Variants in SLC8A1 observed in about 807,000 individuals in gnomAD.
SLC8A1 encodes solute carrier family 8 member A1.
A neutral mutation model predicts 68.3 loss-of-function variants in SLC8A1; 18 were observed. The observed-to-expected ratio is 0.26, with a 90% CI of 0.18 to 0.39. The LOEUF is 0.39. SLC8A1 is among the 10% of genes least tolerant of loss of function. The pLI is 1.00. For missense variants in SLC8A1, 985 were observed against 1,156.7 expected (o/e 0.85, Z 2.15); for synonymous variants, 475 against 415.5 (o/e 1.14, Z -1.74).
At chr2:40,143,384 T>G (rs558366174) in intron 6 of SLC8A1, among the ~76,000 whole-genome samples, 1 of 152,286 alleles carries the variant, frequency 6.6e-6, no homozygotes, top group African/African-American at 2.4e-5. Flanking sequence ...GTTCTGTATG[T>G]TCACCAGCCT....
intron 2 of SLC8A1, among the ~76,000 whole-genome samples, chr2:40,293,736 T>A (rs2149241875): frequency 1.3e-5 from 2 of 152,248 alleles, no homozygotes; most frequent in Admixed American, 1.3e-4. Flanking sequence ...TTAGGTGCAA[T>A]TTGCTAGTGA....
intron 7 of SLC8A1, among the ~76,000 whole-genome samples, chr2:40,117,915 T>C (rs1235071241): frequency 1.3e-5 from 2 of 152,180 alleles, no homozygotes; most frequent in African/African-American, 4.8e-5. Context: ...TTTAGGCTAC[T>C]AAAAGGCTAC....
Position 40,122,776 on chromosome 2 carries a change from G to A in SLC8A1, c.2438-7147C>T, listed in dbSNP as rs78429333. 1.1e-4 allele frequency among the ~76,000 whole-genome samples: 16 copies of A among 152,270 alleles called. No homozygotes were observed. In the East Asian group the frequency reaches 3.1e-3, roughly 29 times the overall value. The stretch of plus-strand genomic sequence containing the variant: ...TGAGGTAATGATGTATGGAATGAGT[G>A]ACACATAGATTTGTTTTTAGAGTAA... On this transcript the variant is annotated intron_variant, in intron 7 of 7. Coordinates refer to ENST00000406785, the Ensembl canonical transcript of SLC8A1.
intron 2 of SLC8A1, among the ~76,000 whole-genome samples, chr2:40,306,620 G>C (rs1475980701): frequency 1.3e-5 from 2 of 152,210 alleles, no homozygotes; most frequent in Non-Finnish European, 2.9e-5. Context: ...CCAAAGGAAA[G>C]TGTGACACTT....
intron 2 of SLC8A1, among the ~76,000 whole-genome samples, chr2:40,362,900 A>T (rs980577148): frequency 8.5e-5 from 13 of 152,126 alleles, no homozygotes; most frequent in African/African-American, 3.1e-4. Flanking sequence ...TAGAACTCAA[A>T]GAAATTTTTT....
At chr2:40,505,025 T>G (rs890727755) in intron 1 of SLC8A1, among the ~76,000 whole-genome samples, 1 of 152,012 alleles carries the variant, frequency 6.6e-6, no homozygotes, top group Non-Finnish European at 1.5e-5. Context: ...GTTGCAGCAC[T>G]GCTTATAATA....
At chr2:40,224,373 T>C (rs1490361771) in intron 2 of SLC8A1, among the ~76,000 whole-genome samples, 4 of 152,110 alleles carry the variant, frequency 2.6e-5, no homozygotes, top group Non-Finnish European at 5.9e-5. Context: ...AAAGCCCCTA[T>C]TTAGAACTGG....
chr2:40,219,875 A>ATTTTTTTTT (rs1162934399), intron 2 of SLC8A1, among the ~76,000 whole-genome samples: 1 of 27,788 alleles, frequency 3.6e-5, no homozygotes, highest in African/African-American at 9.1e-5. Context: ...CTACTATAGG[A>ATTTTTTTTT]TTTTTTTTTT....
chr2:40,434,988 A>T lies in SLC8A1; in HGVS notation c.-24-4684T>A, dbSNP rs1699108251. 2.6e-5 allele frequency among the ~76,000 whole-genome samples: 4 copies of T among 152,266 alleles called. No homozygotes were observed. In the South Asian group the frequency reaches 8.3e-4, roughly 32 times the overall value. On this transcript the variant is annotated intron_variant, in intron 1 of 7. Coordinates refer to ENST00000406785, the Ensembl canonical transcript of SLC8A1. The stretch of plus-strand genomic sequence containing the variant: ...CTGAAGAGTGGTTGGCAGCACGGTG[A>T]CCATTCCCTGCTGGAAGCTATAGCC...
intron 2 of SLC8A1, among the ~76,000 whole-genome samples, chr2:40,336,266 G>C (rs940242776): frequency 6.6e-6 from 1 of 152,164 alleles, no homozygotes; most frequent in Non-Finnish European, 1.5e-5. Context: ...TTGAAGGTGG[G>C]AAACATATTT....
chr2:40,211,133 T>C (rs113395423), intron 2 of SLC8A1, among the ~76,000 whole-genome samples: 6 of 152,198 alleles, frequency 3.9e-5, no homozygotes, highest in Non-Finnish European at 7.3e-5. Flanking sequence ...CTGTGGGGCA[T>C]GGAGCTAGTG....
chr2:40,179,669 C>A (rs1328483564), intron 2 of SLC8A1, among the ~76,000 whole-genome samples: 5 of 152,068 alleles, frequency 3.3e-5, no homozygotes, highest in African/African-American at 1.2e-4. Context: ...CATGGCCATT[C>A]TTTAATTTTG....
At chr2:40,134,876 A>G (rs562656849) in intron 7 of SLC8A1, among the ~76,000 whole-genome samples, 1 of 152,112 alleles carries the variant, frequency 6.6e-6, no homozygotes, top group Non-Finnish European at 1.5e-5. Flanking sequence ...ATTCAAAAAT[A>G]AGTAAACTAA....
intron 6 of SLC8A1, among the ~76,000 whole-genome samples, chr2:40,154,462 C>T (rs182212972): frequency 2.7e-3 from 391 of 144,162 alleles, no homozygotes; most frequent in Middle Eastern, 0.017. Flanking sequence ...TGCCACCATG[C>T]CCGGCTAATT....
chr2:40,486,443 A>G (rs1295592113), intron 1 of SLC8A1, among the ~76,000 whole-genome samples: 1 of 151,660 alleles, frequency 6.6e-6, no homozygotes, highest in African/African-American at 2.4e-5. Flanking sequence ...TTGGATCTGG[A>G]TGCTTAATCA....
chr2:40,373,293 C>T (rs1055762859), intron 2 of SLC8A1, among the ~76,000 whole-genome samples: 3 of 152,030 alleles, frequency 2.0e-5, no homozygotes, highest in South Asian at 4.1e-4. Context: ...TGATTTACAC[C>T]TACTTTCCAC....
At chr2:40,240,777 C>T (rs1262029249) in intron 2 of SLC8A1, among the ~76,000 whole-genome samples, 1 of 152,138 alleles carries the variant, frequency 6.6e-6, no homozygotes, top group Non-Finnish European at 1.5e-5. Context: ...ACTTAGGAGA[C>T]TGAGGCAGGA....
intron 2 of SLC8A1, among the ~76,000 whole-genome samples, chr2:40,394,845 T>C (rs1289030126): frequency 6.6e-6 from 1 of 152,130 alleles, no homozygotes; most frequent in Non-Finnish European, 1.5e-5. Flanking sequence ...AAGTTGTCAT[T>C]TGTGCAAAGA....
chr2:40,302,953 C>T (rs745540190), intron 2 of SLC8A1, among the ~76,000 whole-genome samples: 1 of 152,138 alleles, frequency 6.6e-6, no homozygotes, highest in Non-Finnish European at 1.5e-5. Flanking sequence ...GCCACAGGAT[C>T]TTGTAAGTCT....
Sources: allele counts gnomAD v4.1 joint callset (sites outside exome capture counted in the v4.1 genomes callset), GRCh38; gene constraint gnomAD v4.1.1; transcripts MANE v1.5; gene names NCBI Gene and HGNC (gene_info 2026-07-23, HGNC 2026-07-21).